IMMP2L: variants seen among roughly 807,000 people sequenced by gnomAD.
The protein encoded by IMMP2L is mitochondrial inner membrane protease subunit 2.
In IMMP2L, 18 loss-of-function variants were observed where a neutral mutation model predicts 19.3. That is an observed-to-expected ratio of 0.93 (90% CI 0.64 to 1.38). The LOEUF is 1.38. IMMP2L is among the 40% of genes most tolerant of loss of function. The pLI, the probability that IMMP2L is intolerant of heterozygous loss-of-function variation, is 0.00. For synonymous variants in IMMP2L, 76 were observed against 73.0 expected, an observed-to-expected ratio of 1.04 and a Z score of -0.21; for missense variants, 233 against 218.2, an observed-to-expected ratio of 1.07 and a Z score of -0.43.
At chr7:110,996,660 A>G (rs565828708) in intron 3 of IMMP2L, among the ~76,000 whole-genome samples, 2 of 152,178 alleles carry the variant, frequency 1.3e-5, no homozygotes, top group East Asian at 3.9e-4. Context: ...GTGAGCTACA[A>G]AAATATATAG....
At chr7:111,167,898 A>G (rs62466671) in intron 3 of IMMP2L, among the ~76,000 whole-genome samples, 3,018 of 151,952 alleles carry the variant, frequency 0.02, 48 homozygotes, top group Admixed American at 0.033. Context: ...CCGGAATAAT[A>G]CCTTTTCCAT....
chr7:110,895,213 C>T, intron 4 of IMMP2L, among the ~76,000 whole-genome samples: 1 of 152,160 alleles, frequency 6.6e-6, no homozygotes, highest in East Asian at 1.9e-4. Context: ...CATTCACTGT[C>T]ACGAGAACAG....
intron 5 of IMMP2L, among the ~76,000 whole-genome samples, chr7:110,676,506 G>A (rs143682599): frequency 5.1e-4 from 77 of 152,274 alleles, no homozygotes; most frequent in African/African-American, 9.1e-4. Flanking sequence ...AAATTAGCAC[G>A]GTGTTTTGAA....
Position 111,048,459 on chromosome 7 carries a change from G to C in IMMP2L, c.240-84894C>G, listed in dbSNP as rs570335389. Among the ~76,000 whole-genome samples the C allele has an allele frequency of 9.2e-5, 14 of 151,962 alleles. No individual in the cohort carries two copies. In the South Asian group the frequency reaches 2.9e-3, roughly 32 times the overall value. The stretch of plus-strand genomic sequence containing the variant: ...ATACCACCTTTGTAAAGTCTTTGCT[G>C]ACCACCACCATCAGTCACCATAGTT... On this transcript the variant is annotated intron_variant, in intron 3 of 5. Transcript: ENST00000405709.
intron 4 of IMMP2L, among the ~76,000 whole-genome samples, chr7:110,914,942 A>C (rs758634005): frequency 2.8e-4 from 42 of 152,160 alleles, no homozygotes; most frequent in Non-Finnish European, 5.1e-4. Flanking sequence ...AAAAGATAAC[A>C]AGTGTTGGTG....
At chr7:111,240,682 C>G (rs1478878890) in intron 3 of IMMP2L, among the ~76,000 whole-genome samples, 1 of 151,874 alleles carries the variant, frequency 6.6e-6, no homozygotes, top group Non-Finnish European at 1.5e-5. Context: ...TTGTTGCGGT[C>G]AAGTATGTTA....
At chr7:111,230,462 C>G (rs1279929062) in intron 3 of IMMP2L, among the ~76,000 whole-genome samples, 1 of 151,988 alleles carries the variant, frequency 6.6e-6, no homozygotes, top group African/African-American at 2.4e-5. Flanking sequence ...AATTTTAAGA[C>G]AGTTACTATG....
intron 5 of IMMP2L, among the ~76,000 whole-genome samples, chr7:110,676,971 A>C (rs896214094): frequency 1.3e-5 from 2 of 152,172 alleles, no homozygotes; most frequent in African/African-American, 4.8e-5. Flanking sequence ...TTCTACTGTG[A>C]CGTCACGCAT....
intron 3 of IMMP2L, among the ~76,000 whole-genome samples, chr7:111,079,266 C>G (rs934445641): frequency 8.0e-6 from 1 of 125,294 alleles, no homozygotes; most frequent in Admixed American, 8.6e-5. Context: ...TACAGGCGCC[C>G]GCCACTACGC....
chr7:111,421,980 C>A (rs1355751759), intron 3 of IMMP2L, among the ~76,000 whole-genome samples: 1 of 151,832 alleles, frequency 6.6e-6, no homozygotes, highest in Non-Finnish European at 1.5e-5. Flanking sequence ...AACAGAGAAT[C>A]CTTTCCCCAT....
intron 3 of IMMP2L, among the ~76,000 whole-genome samples, chr7:111,413,636 T>G (rs183135405): frequency 6.6e-6 from 1 of 151,492 alleles, no homozygotes; most frequent in African/African-American, 2.4e-5. Context: ...GAAAAGCATG[T>G]GGCAATAATC....
chr7:111,525,978 A>G (rs1276082214), intron 1 of IMMP2L, among the ~76,000 whole-genome samples: 1 of 151,658 alleles, frequency 6.6e-6, no homozygotes, highest in African/African-American at 2.4e-5. Context: ...GGCCTGCCCC[A>G]CTCCACCCCC....
At chr7:110,952,847 T>C (rs1817973910) in intron 4 of IMMP2L, among the ~76,000 whole-genome samples, 1 of 152,148 alleles carries the variant, frequency 6.6e-6, no homozygotes, top group Non-Finnish European at 1.5e-5. Flanking sequence ...TAAAAAATAT[T>C]GAATAATGAG....
intron 4 of IMMP2L, among the ~76,000 whole-genome samples, chr7:110,955,853 G>C (rs145532136): frequency 6.9e-6 from 1 of 145,210 alleles, no homozygotes; most frequent in African/African-American, 2.8e-5. Flanking sequence ...TGACATAAAT[G>C]AATGCATGAT....
Position 111,496,604 on chromosome 7 carries a change from G to GCT in IMMP2L, c.136-9265_136-9264dup, listed in dbSNP as rs1047534415. ...GGTAAATATTTTCATATTCTCTCTC[G>GCT]CTCTCTCTCTCCTGACGCTGGGACA... On this transcript the variant is annotated intron_variant, in intron 2 of 5. Coordinates refer to ENST00000405709, the MANE Select transcript of IMMP2L (RefSeq NM_032549.4). 1.8e-4 allele frequency among the ~76,000 whole-genome samples: 27 copies of GCT among 152,018 alleles called. No homozygotes were observed. The South Asian group carries it at 3.5e-3, about 20-fold the overall frequency.
rs188558536 is a variant in IMMP2L at position 111,469,703 on chromosome 7, C to T, written c.239+17535G>A. ...AAGCTGAAACTGGATCCCTGCCTTA[C>T]ATCTTATACAAAAATTAATTCAACA... On this transcript the variant is annotated intron_variant, in intron 3 of 5. Transcript: ENST00000405709. Among the ~76,000 whole-genome samples the T allele has an allele frequency of 3.3e-5, 5 of 152,212 alleles. No individual in the cohort carries two copies. The South Asian group carries it at 6.2e-4, about 19-fold the overall frequency.
chr7:111,424,428 G>T (rs1401038358), intron 3 of IMMP2L, among the ~76,000 whole-genome samples: 1 of 151,766 alleles, frequency 6.6e-6, no homozygotes, highest in East Asian at 1.9e-4. Flanking sequence ...GAGACTACAA[G>T]TAATTAACAG....
intron 2 of IMMP2L, among the ~76,000 whole-genome samples, chr7:111,491,268 C>T (rs948475111): frequency 1.3e-5 from 2 of 151,984 alleles, no homozygotes; most frequent in African/African-American, 2.4e-5. Context: ...AACAGTAAGG[C>T]TTCTGGTCAG....
intron 4 of IMMP2L, among the ~76,000 whole-genome samples, chr7:110,921,200 A>C (rs1445734891): frequency 2.0e-5 from 3 of 152,188 alleles, no homozygotes; most frequent in Non-Finnish European, 4.4e-5. Flanking sequence ...ACTCTGACAA[A>C]TAGTAGCTAC....
Sources: allele counts gnomAD v4.1 joint callset (sites outside exome capture counted in the v4.1 genomes callset), GRCh38; gene constraint gnomAD v4.1.1; transcripts MANE v1.5; gene names NCBI Gene and HGNC (gene_info 2026-07-23, HGNC 2026-07-21).